SLC25A21: variants seen among roughly 807,000 people sequenced by gnomAD.
SLC25A21 encodes mitochondrial 2-oxodicarboxylate carrier.
SLC25A21 carries 47 observed loss-of-function variants against 43.8 expected under a neutral mutation model. The ratio of observed to expected loss-of-function variants is 1.07; its 90% confidence interval spans 0.85 to 1.37. SLC25A21 has a LOEUF of 1.37. Among genes scored for constraint, SLC25A21 ranks in the 40% most tolerant of loss-of-function variants. The pLI is 0.00. For missense variants in SLC25A21, 352 were observed against 350.2 expected (o/e 1.00, Z -0.04); for synonymous variants, 131 against 121.3 (o/e 1.08, Z -0.52).
chr14:36,806,518 C>A (rs1888046974), intron 3 of SLC25A21, among the ~76,000 whole-genome samples: 3 of 151,416 alleles, frequency 2.0e-5, no homozygotes, highest in Admixed American at 6.6e-5. Flanking sequence ...TTTAAAAAAT[C>A]AATTAAAATG....
At chr14:37,001,841 C>A (rs1294709001) in intron 1 of SLC25A21, among the ~76,000 whole-genome samples, 1 of 152,112 alleles carries the variant, frequency 6.6e-6, no homozygotes, top group African/African-American at 2.4e-5. Context: ...TTTGCACTAA[C>A]CTCCAAAAAG....
chr14:37,058,398 ATCTTTGTT>A (rs1961875749), intron 1 of SLC25A21, among the ~76,000 whole-genome samples: 1 of 152,194 alleles, frequency 6.6e-6, no homozygotes, highest in South Asian at 2.1e-4. Context: ...TCTGGTGGCA[ATCTTTGTT>A]TTATATCACT....
At chr14:36,800,617 G>C (rs1887838019) in intron 3 of SLC25A21, among the ~76,000 whole-genome samples, 1 of 152,092 alleles carries the variant, frequency 6.6e-6, no homozygotes, top group Non-Finnish European at 1.5e-5. Flanking sequence ...TAAGGGTACA[G>C]ATTTTCTGTT....
chr14:36,831,840 G>C (rs1202811311), intron 2 of SLC25A21, among the ~76,000 whole-genome samples: 1 of 152,180 alleles, frequency 6.6e-6, no homozygotes, highest in African/African-American at 2.4e-5. Flanking sequence ...CGAAAATGGA[G>C]TCTACTGAAT....
At chr14:36,837,355 C>T (rs1382889128) in intron 2 of SLC25A21, among the ~76,000 whole-genome samples, 1 of 151,896 alleles carries the variant, frequency 6.6e-6, no homozygotes, top group Non-Finnish European at 1.5e-5. Flanking sequence ...GCAAGCCTGC[C>T]GAACAGTGCA....
chr14:36,696,090 C>G (rs1254440317), intron 7 of SLC25A21, among the ~76,000 whole-genome samples: 1 of 152,118 alleles, frequency 6.6e-6, no homozygotes, highest in Non-Finnish European at 1.5e-5. Context: ...CCATCAATAC[C>G]TAGTTTATTG....
chr14:37,092,030 G>C (rs1962596805), intron 1 of SLC25A21, among the ~76,000 whole-genome samples: 3 of 152,286 alleles, frequency 2.0e-5, no homozygotes, highest in Admixed American at 1.3e-4. Context: ...GGGAGGCTGA[G>C]GTGGGGGGAT....
At chr14:37,038,397 T>C (rs576913507) in intron 1 of SLC25A21, among the ~76,000 whole-genome samples, 1 of 152,302 alleles carries the variant, frequency 6.6e-6, no homozygotes, top group African/African-American at 2.4e-5. Context: ...GAAAGTCCTC[T>C]CCCCTTTCCC....
At chr14:36,913,305 T>C (rs80009479) in intron 1 of SLC25A21, among the ~76,000 whole-genome samples, 2,427 of 152,298 alleles carry the variant, frequency 0.016, 60 homozygotes, top group African/African-American at 0.054. Context: ...ATTTTTTGTT[T>C]GTTTGAGACA....
intron 1 of SLC25A21, among the ~76,000 whole-genome samples, chr14:37,110,688 AC>A (rs1963002559): frequency 6.6e-6 from 1 of 152,154 alleles, no homozygotes; most frequent in Non-Finnish European, 1.5e-5. Flanking sequence ...TTCATAAGGG[AC>A]CACCATATTG....
intron 3 of SLC25A21, among the ~76,000 whole-genome samples, chr14:36,756,840 A>G (rs1348930882): frequency 1.3e-5 from 2 of 152,238 alleles, no homozygotes; most frequent in Non-Finnish European, 2.9e-5. Context: ...GTGTGAAATA[A>G]AAGTGTAAAT....
intron 1 of SLC25A21, among the ~76,000 whole-genome samples, chr14:37,171,514 T>G (rs1232655654): frequency 6.6e-6 from 1 of 152,126 alleles, no homozygotes; most frequent in Middle Eastern, 3.2e-3. Context: ...AATTATATAT[T>G]TATAATAAAA....
intron 1 of SLC25A21, among the ~76,000 whole-genome samples, chr14:37,117,854 G>GT (rs199625431): frequency 0.052 from 1,529 of 29,574 alleles, 31 homozygotes; most frequent in African/African-American, 0.096. Context: ...ACCAAACATA[G>GT]TTTTTTTTTG....
intron 1 of SLC25A21, among the ~76,000 whole-genome samples, chr14:36,974,782 C>A (rs1187486157): frequency 2.0e-5 from 3 of 152,058 alleles, no homozygotes; most frequent in Admixed American, 1.3e-4. Context: ...GTATAGTTTT[C>A]TAGGAATACA....
intron 7 of SLC25A21, among the ~76,000 whole-genome samples, chr14:36,697,204 A>C (rs1404473798): frequency 6.6e-6 from 1 of 152,166 alleles, no homozygotes; most frequent in South Asian, 2.1e-4. Context: ...TTCAGTTTCC[A>C]TGTACTTGTG....
At chr14:37,003,293 T>G (rs1284281933) in intron 1 of SLC25A21, among the ~76,000 whole-genome samples, 3 of 152,168 alleles carry the variant, frequency 2.0e-5, no homozygotes, top group Non-Finnish European at 4.4e-5. Context: ...TGTGACAAAG[T>G]GAGATGATAA....
chr14:37,065,662 A>C (rs1962044192), intron 1 of SLC25A21, among the ~76,000 whole-genome samples: 1 of 152,222 alleles, frequency 6.6e-6, no homozygotes, highest in African/African-American at 2.4e-5. Context: ...GTCCCTGAGA[A>C]GTTGTAACTA....
chr14:36,708,905 G>C (rs1883703104), intron 7 of SLC25A21, among the ~76,000 whole-genome samples: 1 of 151,534 alleles, frequency 6.6e-6, no homozygotes, highest in Non-Finnish European at 1.5e-5. Flanking sequence ...TTAAACAATT[G>C]AGAACATTTA....
At chr14:36,882,322 G>A (rs562658893) in intron 1 of SLC25A21, among the ~76,000 whole-genome samples, 2 of 152,302 alleles carry the variant, frequency 1.3e-5, no homozygotes, top group South Asian at 2.1e-4. Context: ...GGCAGTGGTT[G>A]CAGTTAGTTG....
Sources: allele counts gnomAD v4.1 joint callset (sites outside exome capture counted in the v4.1 genomes callset), GRCh38; gene constraint gnomAD v4.1.1; transcripts MANE v1.5; gene names NCBI Gene and HGNC (gene_info 2026-07-23, HGNC 2026-07-21).